DEAF1: variants seen among roughly 807,000 people sequenced by gnomAD.
DEAF1 encodes deformed epidermal autoregulatory factor 1 homolog.
A neutral mutation model predicts 58.9 loss-of-function variants in DEAF1; 53 were observed. The ratio of observed to expected loss-of-function variants is 0.90; its 90% CI spans 0.72 to 1.13. The LOEUF is 1.13. Among genes scored for constraint, DEAF1 ranks in the 50% most tolerant of loss-of-function variants. The pLI, the probability that DEAF1 is intolerant of heterozygous loss-of-function variation, is 0.00. For synonymous variants in DEAF1, 385 were observed against 340.4 expected (o/e 1.13, Z -1.44); for missense variants, 685 against 791.4 (o/e 0.87, Z 1.61).
chr11:694,619 G>T, intron 1 of DEAF1, 140 bp downstream of exon 1: 3 of 753,840 alleles, frequency 4.0e-6, no homozygotes, highest in Non-Finnish European at 5.5e-6. Context: ...TGTGCAGGGC[G>T]GGTGGAGCGG....
At chr11:695,740 A>G, upstream of DEAF1, 1 of 1,240,120 alleles carries the variant, frequency 8.1e-7, no homozygotes, top group Non-Finnish European at 1.0e-6. Context: ...CCCCTTCGTC[A>G]GGAGACGCGA....
At chr11:700,483 C>A (rs1026341500) in intron 1 of DEAF1, 4 of 806,610 alleles carry the variant, frequency 5.0e-6, no homozygotes, top group African/African-American at 1.7e-5. Flanking sequence ...GCCAAGATTG[C>A]GCCACTGAAC....
intron 11 of DEAF1, among the ~76,000 whole-genome samples, chr11:653,439 G>A (rs1038341199): frequency 1.7e-3 from 242 of 143,720 alleles, no homozygotes; most frequent in African/African-American, 6.4e-3. Flanking sequence ...TCTCTCTCGC[G>A]TGGCTCTGCA....
At position 680,958 on chromosome 11, in the gene DEAF1, C is replaced by T; in HGVS notation, c.997+5G>A. ...TAAACTAGAGCTGTGTTTTCTCAAA[C>T]TCACAGGTGGTAGCCGCGGTGGCTG... On this transcript the variant is annotated splice_donor_5th_base_variant and intron_variant, in intron 7 of 11. Coordinates refer to ENST00000382409, the MANE Select transcript of DEAF1 (RefSeq NM_021008.4). 2.5e-6 allele frequency: 4 copies of T among 1,614,166 alleles called. No homozygotes were observed. Among genetic ancestry groups the T allele is most frequent in the Non-Finnish European group, 3.4e-6 (4 of 1,180,028 alleles).
chr11:667,072 CAT>C (rs1015648744), intron 10 of DEAF1, among the ~76,000 whole-genome samples: 3 of 151,286 alleles, frequency 2.0e-5, no homozygotes, highest in Non-Finnish European at 2.9e-5. Context: ...TGGTGGTACA[CAT>C]GTGTAGTCCC....
chr11:669,635 C>CAA (rs796538285), intron 10 of DEAF1, among the ~76,000 whole-genome samples: 9 of 135,182 alleles, frequency 6.7e-5, no homozygotes, highest in African/African-American at 2.4e-4. Context: ...AAACTTGTCT[C>CAA]AAAAAAAAAA....
chr11:678,673 T>A lies in DEAF1; in HGVS notation c.1255+21A>T, dbSNP rs1860190992. 1.9e-6 allele frequency: 3 copies of A among 1,613,656 alleles called. No homozygotes were observed. In the African/African-American group the frequency reaches 4.0e-5, roughly 22 times the overall value. On this transcript the variant is annotated intron_variant, in intron 9 of 11. Coordinates refer to ENST00000382409, the MANE Select transcript of DEAF1 (RefSeq NM_021008.4). ...TTCTGAGGACAATAACCTGTACATGTGTGAATTCTTTCAAACCTACCTATT... is the reference window on the plus strand; with the variant it reads ...TTCTGAGGACAATAACCTGTACATGAGTGAATTCTTTCAAACCTACCTATT...
At chr11:703,690 A>G in intron 1 of DEAF1, 1 of 1,232,322 alleles carries the variant, frequency 8.1e-7, no homozygotes, top group Non-Finnish European at 1.0e-6. Flanking sequence ...CCTCACAGGC[A>G]GGCAGGCCCG....
intron 1 of DEAF1, chr11:704,107 A>G (rs1446450523): frequency 9.1e-7 from 1 of 1,098,510 alleles, no homozygotes; most frequent in Non-Finnish European, 1.1e-6. Context: ...TTGTAAATAA[A>G]GAGATGTGTA....
chr11:675,989 GCACC>G (rs1860040886), intron 9 of DEAF1, among the ~76,000 whole-genome samples: 1 of 16,088 alleles, frequency 6.2e-5, no homozygotes, highest in Admixed American at 1.2e-3. Flanking sequence ...ATCCCCCGGG[GCACC>G]TGGCACCCCC....
intron 10 of DEAF1, among the ~76,000 whole-genome samples, chr11:672,638 G>C (rs1446072150): frequency 2.0e-5 from 3 of 152,188 alleles, no homozygotes; most frequent in South Asian, 4.1e-4. Context: ...CCTGAGGTCA[G>C]GGGTTCAAGA....
intron 8 of DEAF1, 134 bp downstream of exon 8, chr11:679,554 C>A: frequency 1.4e-6 from 2 of 1,409,008 alleles, no homozygotes; most frequent in Non-Finnish European, 2.0e-6. Context: ...ACGCTGTCCC[C>A]ACCAACAAAC....
At chr11:678,295 A>C in intron 9 of DEAF1, 1 of 274,450 alleles carries the variant, frequency 3.6e-6, no homozygotes. Context: ...GGCCACATTT[A>C]GGCCTTGGTT....
Position 703,855 on chromosome 11 carries a change from G to A in DEAF1, c.-438+2717C>T, listed in dbSNP as rs772222145. The A allele has an allele frequency of 6.6e-5, 81 of 1,236,444 alleles. No homozygotes were observed. The Middle Eastern group carries it at 9.3e-4, about 14-fold the overall frequency. The allele number at this position is 1,236,444 out of a possible 1,614,324, so 76.6% of individuals were successfully genotyped here. On this transcript the variant is annotated intron_variant, in intron 1 of 11. Coordinates refer to the DEAF1 transcript ENST00000683307. ...CGGGGATGAGACTGCAGGAGAGAGA[G>A]CAGCGGAGGGCCACATTCGGAGCCT... is the stretch of plus-strand genomic sequence containing the variant.
chr11:697,463 G>A (rs529366309), upstream of DEAF1: 7 of 152,308 alleles, frequency 4.6e-5, no homozygotes, highest in African/African-American at 1.7e-4. Context: ...CTGCAGGTCT[G>A]GAATTGTTAG....
At position 654,105 on chromosome 11, in the gene DEAF1, A is replaced by G. The variant is rs1311065326; in HGVS notation, c.1504-54T>C. ...GTGACGTGGCCGTGGAGAGCCCCTG[A>G]GACACCGGGGACAGAGGCAGGTGCA... On this transcript the variant is annotated intron_variant, in intron 10 of 11. Coordinates refer to ENST00000382409, the MANE Select transcript of DEAF1 (RefSeq NM_021008.4). 3.3e-6 allele frequency: 5 copies of G among 1,496,026 alleles called. No individual in the cohort carries two copies. In the African/African-American group the frequency reaches 7.1e-5, roughly 21 times the overall value. The allele number at this position is 1,496,026 out of a possible 1,614,324, so 92.7% of individuals were successfully genotyped here.
chr11:657,018 C>T lies in DEAF1; in HGVS notation c.1504-2967G>A, dbSNP rs1219348459. ...GATGTTCATACACACAGGTGACACC[C>T]TCATCCCTGCTCTGCAGCTGAACAG... On this transcript the variant is annotated intron_variant, in intron 10 of 11. Coordinates refer to ENST00000382409, the MANE Select transcript of DEAF1 (RefSeq NM_021008.4). Among the ~76,000 whole-genome samples, 11 of 150,506 alleles carry T rather than the reference C, an allele frequency of 7.3e-5. No homozygotes were observed. In the East Asian group the frequency reaches 1.7e-3, roughly 24 times the overall value.
intron 10 of DEAF1, among the ~76,000 whole-genome samples, chr11:671,684 C>T (rs1859829740): frequency 6.6e-6 from 1 of 150,806 alleles, no homozygotes; most frequent in Non-Finnish European, 1.5e-5. Context: ...CCACCTTGGG[C>T]AACACGGCAA....
At chr11:705,797 C>T (rs772522309) in intron 1 of DEAF1, among the ~76,000 whole-genome samples, 3 of 152,190 alleles carry the variant, frequency 2.0e-5, no homozygotes, top group Non-Finnish European at 2.9e-5. Flanking sequence ...CAGCAATGCG[C>T]CAGCGCTGCC....
Sources: gnomAD v4.1 joint callset for allele counts (sites outside exome capture counted in the v4.1 genomes callset) on GRCh38, gnomAD v4.1.1 for gene constraint, MANE v1.5 for transcripts, NCBI Gene and HGNC (gene_info 2026-07-23, HGNC 2026-07-21) for gene names.